Variants in PIK3R3 observed in about 807,000 individuals in gnomAD.
PIK3R3 encodes phosphatidylinositol 3-kinase regulatory subunit gamma.
A neutral mutation model predicts 62.9 loss-of-function variants in PIK3R3; 64 were observed. The observed-to-expected ratio is 1.02, with a 90% CI of 0.83 to 1.25. The LOEUF (loss-of-function observed/expected upper bound fraction) is 1.25, where lower values mean the gene tolerates loss of function less well. Among genes scored for constraint, PIK3R3 ranks in the 50% most tolerant of loss-of-function variants. The pLI, the probability that PIK3R3 is intolerant of heterozygous loss-of-function variation, is 0.00. For synonymous variants in PIK3R3, 165 were observed against 189.0 expected (o/e 0.87, Z 1.04); for missense variants, 614 against 561.6 (o/e 1.09, Z -0.94).
the PIK3R3 span, among the ~76,000 whole-genome samples, chr1:46,146,387 A>G: frequency 1.3e-5 from 2 of 152,128 alleles, no homozygotes; most frequent in South Asian, 4.1e-4. Flanking sequence ...TTTACCTCCA[A>G]TTAGAGATTT....
chr1:46,126,024 TG>T (rs1655062568), intron 1 of PIK3R3, among the ~76,000 whole-genome samples: 1 of 151,932 alleles, frequency 6.6e-6, no homozygotes, highest in African/African-American at 2.4e-5. Context: ...CCTCCCAAAG[TG>T]CTGGGATTAC....
intron 1 of PIK3R3, among the ~76,000 whole-genome samples, chr1:46,100,295 T>A (rs1198946721): frequency 6.6e-6 from 1 of 152,226 alleles, no homozygotes; most frequent in Non-Finnish European, 1.5e-5. Context: ...ACATCTTTAA[T>A]CATCACATAC....
rs758746746 is a variant in PIK3R3 at position 46,055,852 on chromosome 1, A to G, written c.884T>C (p.Met295Thr). 1.2e-6 allele frequency: 2 copies of G among 1,608,202 alleles called. No homozygotes were observed. The highest frequency in any genetic ancestry group is 1.7e-6 in the Non-Finnish European group (2 of 1,177,294). The change falls in exon 7 of 10, where the codon ATG becomes ACG. Residue 295 changes from methionine to threonine, a missense_variant. By Grantham distance (81) the Met-to-Thr change is moderately conservative. Coordinates refer to ENST00000262741, the MANE Select transcript of PIK3R3 (RefSeq NM_003629.4). ...ALDNREIDKK[M>T]NSIKPDLIQL... Reference sequence around the variant, plus strand: ...GATCAGGTCAGGTTTGATGCTATTCATTTTTTTATCTATTTCTCGGTTGTC... The same window carrying G: ...GATCAGGTCAGGTTTGATGCTATTCGTTTTTTTATCTATTTCTCGGTTGTC...
chr1:46,047,702 C>G (rs754019909), intron 7 of PIK3R3, among the ~76,000 whole-genome samples: 32 of 152,304 alleles, frequency 2.1e-4, no homozygotes, highest in Non-Finnish European at 4.1e-4. Context: ...CCCAGTCACT[C>G]TCTACACTTT....
intron 1 of PIK3R3, among the ~76,000 whole-genome samples, chr1:46,120,388 C>T (rs1439645151): frequency 2.0e-5 from 3 of 152,216 alleles, no homozygotes; most frequent in East Asian, 3.9e-4. Context: ...CCATCCTGAC[C>T]AACATGGTGA....
chr1:46,071,759 A>AGAGAGAGAGAGAGAGAGAGAGAGAGCGC (rs777668187), intron 3 of PIK3R3, among the ~76,000 whole-genome samples: 2 of 100,128 alleles, frequency 2.0e-5, no homozygotes, highest in African/African-American at 7.2e-5. Context: ...AGAGAGAGAG[A>AGAGAGAGAGAGAGAGAGAGAGAGAGCGC]GCGCGCGCCT....
chr1:46,095,589 T>C (rs1160444906), intron 1 of PIK3R3, among the ~76,000 whole-genome samples: 2 of 152,090 alleles, frequency 1.3e-5, no homozygotes, highest in Admixed American at 1.3e-4. Flanking sequence ...ATGATCTGTG[T>C]AGCAAATCAC....
Position 46,043,770 on chromosome 1 carries a change from A to G in PIK3R3, c.1289T>C (p.Leu430Pro). 4 of 1,614,130 alleles carry G rather than the reference A, an allele frequency of 2.5e-6. No homozygotes were observed. Among genetic ancestry groups the G allele is most frequent in the Non-Finnish European group, 3.4e-6 (4 of 1,179,996 alleles). ...NLYSSLKELV[L>P]HYQQTSLVQH... Reference sequence around the variant, plus strand: ...AACCAAGGATGTCTGCTGGTAATGGAGCACTAGCTCCTTCAGAGAGCTGTA... The same window carrying G: ...AACCAAGGATGTCTGCTGGTAATGGGGCACTAGCTCCTTCAGAGAGCTGTA... Residue 430 changes from leucine to proline, a missense_variant, in exon 10 of 10, where the codon CTC becomes CCC. Leu to Pro is a moderately conservative substitution (Grantham distance 98). Transcript: ENST00000262741.
intron 7 of PIK3R3, among the ~76,000 whole-genome samples, chr1:46,049,876 T>C (rs9429180): frequency 6.6e-6 from 1 of 152,160 alleles, no homozygotes; most frequent in African/African-American, 2.4e-5. Context: ...TCCCAGCACT[T>C]TGGGAGGCCA....
At chr1:46,057,307 T>G (rs1557562075) in intron 6 of PIK3R3, 1 of 152,348 alleles carries the variant, frequency 6.6e-6, no homozygotes, top group Non-Finnish European at 1.5e-5. Context: ...AGCCTCTTCC[T>G]TTTGTAAATT....
intron 5 of PIK3R3, 25 bp downstream of exon 5, chr1:46,066,029 G>C: frequency 6.3e-7 from 1 of 1,597,500 alleles, no homozygotes; most frequent in East Asian, 2.2e-5. Flanking sequence ...ACACATATTA[G>C]TCAAAAACAA....
chr1:46,129,556 A>G (rs1655399364), intron 1 of PIK3R3, among the ~76,000 whole-genome samples: 1 of 152,170 alleles, frequency 6.6e-6, no homozygotes, highest in South Asian at 2.1e-4. Flanking sequence ...AACAGGATAG[A>G]AATGGGAGAG....
At chr1:46,079,052 A>G (rs1425396132) in intron 2 of PIK3R3, among the ~76,000 whole-genome samples, 1 of 152,172 alleles carries the variant, frequency 6.6e-6, no homozygotes, top group Admixed American at 6.5e-5. Context: ...GATGGTGATG[A>G]TAGCTGCACA....
the PIK3R3 span, among the ~76,000 whole-genome samples, chr1:46,140,705 A>G: frequency 7.9e-5 from 12 of 152,296 alleles, no homozygotes; most frequent in Non-Finnish European, 1.5e-4. Flanking sequence ...AACCCCCAGA[A>G]ACTAAGAAAG....
At chr1:46,165,225 C>T in the PIK3R3 span, among the ~76,000 whole-genome samples, 1 of 151,998 alleles carries the variant, frequency 6.6e-6, no homozygotes, top group Non-Finnish European at 1.5e-5. Flanking sequence ...TTATTGCTGC[C>T]ATTTAGGGAG....
At position 46,080,714 on chromosome 1, in the gene PIK3R3, G is replaced by T; in HGVS notation, c.143C>A (p.Ala48Glu). ...PPKPPKPMTS[A>E]VPNGMKDSSV... Reference sequence around the variant, plus strand: ...ACTGTCCTTCATTCCATTTGGAACTGCTGAAGTCATTGGCTTAGGTGGCTT... The same window carrying T: ...ACTGTCCTTCATTCCATTTGGAACTTCTGAAGTCATTGGCTTAGGTGGCTT... Residue 48 changes from alanine to glutamate, a missense_variant, in exon 2 of 10, where the codon GCA (alanine) becomes GAA (glutamate). Coordinates refer to ENST00000262741, the MANE Select transcript of PIK3R3 (RefSeq NM_003629.4). 6.2e-7 allele frequency: 1 copy of T among 1,613,688 alleles called. No homozygotes were observed. Among genetic ancestry groups the T allele is most frequent in the Non-Finnish European group, 8.5e-7 (1 of 1,179,598 alleles).
chr1:46,131,836 C>A lies in PIK3R3; in HGVS notation c.106+11G>T. ...CCATCACGAGATTCTTTTTTTTTTT[C>A]TCCCAAGTACCTGGAGGATCCATTT... On this transcript the variant is annotated intron_variant, in intron 1 of 9. Transcript: ENST00000262741. The A allele has an allele frequency of 6.3e-7, 1 of 1,583,246 alleles. No homozygotes were observed. The highest frequency in any genetic ancestry group is 8.6e-7 in the Non-Finnish European group (1 of 1,161,116).
At chr1:46,077,691 G>A in intron 2 of PIK3R3, 78 bp from the exon 3 acceptor site, 3 of 851,864 alleles carry the variant, frequency 3.5e-6, no homozygotes, top group South Asian at 1.4e-5. Context: ...TTCTTTACAT[G>A]TTACTACTAA....
intron 7 of PIK3R3, chr1:46,047,301 G>A (rs1416584209): frequency 6.6e-6 from 1 of 152,232 alleles, no homozygotes; most frequent in Non-Finnish European, 1.5e-5. Context: ...AGCCAAGTGT[G>A]GTAGTGCATG....
Sources: gnomAD v4.1 joint callset for allele counts (sites outside exome capture counted in the v4.1 genomes callset) on GRCh38, gnomAD v4.1.1 for gene constraint, MANE v1.5 for transcripts, NCBI Gene and HGNC (gene_info 2026-07-23, HGNC 2026-07-21) for gene names.